Variants in RFX3 observed in about 807,000 individuals in gnomAD.
RFX3 encodes the protein transcription factor RFX3.
RFX3 carries 14 observed loss-of-function variants against 98.6 expected under a neutral mutation model. The ratio of observed to expected loss-of-function variants is 0.14; its 90% CI spans 0.09 to 0.22. The LOEUF (loss-of-function observed/expected upper bound fraction) is 0.22. Ranked by LOEUF, RFX3 falls within the 10% of genes least tolerant of loss-of-function variation. RFX3 has a pLI of 1.00. For missense variants in RFX3, 639 were observed against 926.9 expected (o/e 0.69, Z 4.03); for synonymous variants, 383 against 328.4 (o/e 1.17, Z -1.80).
chr9:3,254,949 T>A (rs1193067357), intron 14 of RFX3, among the ~76,000 whole-genome samples: 1 of 152,182 alleles, frequency 6.6e-6, no homozygotes, highest in Non-Finnish European at 1.5e-5. Flanking sequence ...TCTTGAATTA[T>A]GTGGGCTAAA....
At chr9:3,236,503 C>A (rs1563778000) in intron 15 of RFX3, among the ~76,000 whole-genome samples, 4 of 152,202 alleles carry the variant, frequency 2.6e-5, no homozygotes, top group Non-Finnish European at 4.4e-5. Context: ...GAGCACCAAC[C>A]CATGCTACCA....
intron 4 of RFX3, among the ~76,000 whole-genome samples, chr9:3,324,388 G>A: frequency 6.6e-6 from 1 of 151,948 alleles, no homozygotes; most frequent in East Asian, 1.9e-4. Context: ...CTGTCTCGAT[G>A]TAGTCATAAC....
chr9:3,317,191 A>G (rs1241747343), intron 4 of RFX3, among the ~76,000 whole-genome samples: 3 of 152,214 alleles, frequency 2.0e-5, no homozygotes, highest in Non-Finnish European at 4.4e-5. Context: ...ATGGAACAGA[A>G]TAGAGCCCTC....
At chr9:3,301,683 G>A in intron 4 of RFX3, 63 bp from the exon 5 acceptor site, 2 of 1,168,890 alleles carry the variant, frequency 1.7e-6, no homozygotes, top group Non-Finnish European at 2.5e-6. Context: ...GCTGACCAGA[G>A]AATTTCTGAT....
chr9:3,399,535 G>A (rs1166896412), intron 1 of RFX3, among the ~76,000 whole-genome samples: 2 of 152,140 alleles, frequency 1.3e-5, no homozygotes, highest in Non-Finnish European at 2.9e-5. Context: ...GTGTTCTATA[G>A]GCAAATTATT....
chr9:3,487,923 A>G (rs1039171742), intron 1 of RFX3, among the ~76,000 whole-genome samples: 16 of 152,152 alleles, frequency 1.1e-4, no homozygotes, highest in African/African-American at 3.9e-4. Context: ...CCTTCCCCAT[A>G]TAACTTACTG....
intron 1 of RFX3, among the ~76,000 whole-genome samples, chr9:3,467,832 C>G (rs1219623145): frequency 6.6e-6 from 1 of 152,150 alleles, no homozygotes; most frequent in Non-Finnish European, 1.5e-5. Context: ...CCCACAGACA[C>G]AGAGTTGTCA....
intron 7 of RFX3, among the ~76,000 whole-genome samples, chr9:3,281,656 G>A (rs1298565431): frequency 6.6e-6 from 1 of 151,716 alleles, no homozygotes; most frequent in Non-Finnish European, 1.5e-5. Flanking sequence ...TAATGATTAA[G>A]AAATAAAAGA....
intron 5 of RFX3, among the ~76,000 whole-genome samples, chr9:3,299,944 G>C (rs1828443413): frequency 6.6e-6 from 1 of 150,818 alleles, no homozygotes; most frequent in Non-Finnish European, 1.5e-5. Flanking sequence ...AATGAACCCT[G>C]AGTTGAATAT....
At chr9:3,263,552 G>A (rs1410498122) in intron 12 of RFX3, among the ~76,000 whole-genome samples, 1 of 152,134 alleles carries the variant, frequency 6.6e-6, no homozygotes, top group Admixed American at 6.5e-5. Flanking sequence ...ATTTAAAAAT[G>A]CATGTGAGAG....
chr9:3,278,399 A>C (rs1297561220), intron 7 of RFX3, among the ~76,000 whole-genome samples: 3 of 151,850 alleles, frequency 2.0e-5, no homozygotes, highest in African/African-American at 7.2e-5. Context: ...TAAACATACT[A>C]TCTAGAGATA....
At chr9:3,384,069 G>C (rs1839461214) in intron 2 of RFX3, among the ~76,000 whole-genome samples, 1 of 152,104 alleles carries the variant, frequency 6.6e-6, no homozygotes, top group Non-Finnish European at 1.5e-5. Flanking sequence ...CAGGAGAAAA[G>C]ATGATTCTCA....
At chr9:3,354,564 AGCTTTAAAGTAGT>A (rs1320863792) in intron 2 of RFX3, among the ~76,000 whole-genome samples, 1 of 151,970 alleles carries the variant, frequency 6.6e-6, no homozygotes, top group Admixed American at 6.6e-5. Context: ...CAAAAAAAAC[AGCTTTAAAGTAGT>A]GACAGAAAAA....
At chr9:3,363,559 T>C (rs1836705871) in intron 2 of RFX3, among the ~76,000 whole-genome samples, 1 of 152,240 alleles carries the variant, frequency 6.6e-6, no homozygotes, top group African/African-American at 2.4e-5. Context: ...AACTTCTTAC[T>C]TATACATGAT....
intron 1 of RFX3, among the ~76,000 whole-genome samples, chr9:3,516,239 G>A (rs1035247055): frequency 9.9e-5 from 15 of 151,910 alleles, no homozygotes; most frequent in African/African-American, 2.7e-4. Context: ...TAGTAGAGAC[G>A]GGGTTTCATC....
intron 2 of RFX3, among the ~76,000 whole-genome samples, chr9:3,391,705 T>C (rs2131866878): frequency 6.6e-6 from 1 of 152,300 alleles, no homozygotes; most frequent in East Asian, 1.9e-4. Context: ...CTTCTATTTA[T>C]GGCTAGTGAC....
At chr9:3,369,091 T>C (rs368182560) in intron 2 of RFX3, among the ~76,000 whole-genome samples, 2 of 151,992 alleles carry the variant, frequency 1.3e-5, no homozygotes, top group East Asian at 1.9e-4. Flanking sequence ...CAAAGGCAAA[T>C]AGCACACCAG....
chr9:3,247,132 T>A, intron 15 of RFX3: 1 of 985,444 alleles, frequency 1.0e-6, no homozygotes, highest in Non-Finnish European at 1.2e-6. Flanking sequence ...TCACATTTAA[T>A]AATCTGGTAT....
At chr9:3,321,435 AAGGC>A (rs1831308473) in intron 4 of RFX3, among the ~76,000 whole-genome samples, 1 of 152,162 alleles carries the variant, frequency 6.6e-6, no homozygotes, top group Non-Finnish European at 1.5e-5. Context: ...CACACTTGGC[AAGGC>A]TTACCAACCT....
Sources: allele counts gnomAD v4.1 joint callset (sites outside exome capture counted in the v4.1 genomes callset), GRCh38; gene constraint gnomAD v4.1.1; transcripts MANE v1.5; gene names NCBI Gene and HGNC (gene_info 2026-07-23, HGNC 2026-07-21).